The following STXBP6 variants were observed in gnomAD, a reference collection of about 807,000 sequenced individuals.
STXBP6 encodes the protein syntaxin binding protein 6, also known as syntaxin-binding protein 6.
STXBP6 carries 21 observed loss-of-function variants against 26.9 expected under a neutral mutation model. That is an observed-to-expected ratio of 0.78 (90% CI 0.55 to 1.12). The LOEUF (loss-of-function observed/expected upper bound fraction) is 1.12. Ranked by LOEUF, STXBP6 falls within the 50% of genes most tolerant of loss-of-function variation. STXBP6 has a pLI of 0.00. For missense variants in STXBP6, 232 were observed against 257.9 expected (o/e 0.90, Z 0.69); for synonymous variants, 97 against 92.6 (o/e 1.05, Z -0.27).
intron 2 of STXBP6, among the ~76,000 whole-genome samples, chr14:24,890,644 C>T (rs766781613): frequency 5.7e-4 from 86 of 152,204 alleles, no homozygotes; most frequent in Middle Eastern, 6.8e-3. Flanking sequence ...GGAAAAATGT[C>T]CTATAGAAAA....
intron 1 of STXBP6, among the ~76,000 whole-genome samples, chr14:24,979,901 C>T (rs1270317421): frequency 6.6e-6 from 1 of 152,244 alleles, no homozygotes; most frequent in Non-Finnish European, 1.5e-5. Flanking sequence ...CAGCCCTCTA[C>T]ACTGTCCAAT....
rs776058648 is a variant in STXBP6, at chr14:25,049,564, A to G, written c.-33+314T>C. ...TGCGGAAAAAAAGGCTCCATCCTCAACTTTCTCGGAGGAAATCGCTCCGTT... is the reference window on the plus strand; with the variant it reads ...TGCGGAAAAAAAGGCTCCATCCTCAGCTTTCTCGGAGGAAATCGCTCCGTT... On this transcript the variant is annotated intron_variant, in intron 1 of 5. Coordinates refer to ENST00000323944, the MANE Select transcript of STXBP6 (RefSeq NM_001394410.1). The surrounding 1 kb of genome is among the most constrained non-coding windows in gnomAD (Gnocchi z 5.6). 1.2e-3 allele frequency: 1,154 copies of G among 984,800 alleles called. 3 individuals carry two copies. The highest frequency in any genetic ancestry group is 3.5e-3 in the Admixed American group (57 of 16,246). 61.0% of individuals were successfully genotyped at this position (984,800 alleles called of 1,614,324 possible). A position where few individuals can be genotyped will look rare whatever the true frequency, so the allele number is the denominator to read the frequency against.
chr14:24,912,976 A>G (rs1022660186), intron 2 of STXBP6, among the ~76,000 whole-genome samples: 2 of 152,140 alleles, frequency 1.3e-5, no homozygotes, highest in South Asian at 2.1e-4. Context: ...GATTTAACCT[A>G]TTTTTCTTAC....
chr14:24,854,730 A>G (rs980643403), intron 4 of STXBP6, among the ~76,000 whole-genome samples: 4 of 152,052 alleles, frequency 2.6e-5, no homozygotes, highest in African/African-American at 4.8e-5. Flanking sequence ...TTTTAAGAGC[A>G]CTGGTGGCGC....
chr14:24,891,982 C>G (rs1289352520), intron 2 of STXBP6, among the ~76,000 whole-genome samples: 1 of 152,216 alleles, frequency 6.6e-6, no homozygotes, highest in African/African-American at 2.4e-5. Flanking sequence ...CTTCCTACAA[C>G]TGGACCAGAT....
intron 1 of STXBP6, among the ~76,000 whole-genome samples, chr14:25,028,945 G>A (rs1225211739): frequency 6.6e-6 from 1 of 152,190 alleles, no homozygotes; most frequent in Non-Finnish European, 1.5e-5. Context: ...CCTAGAATCT[G>A]AAGTTTAGCC....
intron 1 of STXBP6, among the ~76,000 whole-genome samples, chr14:25,041,878 G>C (rs17257773): frequency 0.069 from 10,552 of 152,180 alleles, 455 homozygotes; most frequent in South Asian, 0.17. Flanking sequence ...ATTCTTCAAA[G>C]TCATCAGGCG....
chr14:24,947,361 C>A (rs935488497), intron 2 of STXBP6, among the ~76,000 whole-genome samples: 8 of 152,180 alleles, frequency 5.3e-5, no homozygotes, highest in African/African-American at 1.7e-4. Flanking sequence ...AAAATAGGGA[C>A]TGAGAGCACA....
intron 1 of STXBP6, chr14:24,994,767 G>C (rs993739267): frequency 1.3e-5 from 2 of 152,228 alleles, no homozygotes; most frequent in Non-Finnish European, 2.9e-5. Flanking sequence ...TCAGCACTTT[G>C]GGAGGCTGAG....
intron 4 of STXBP6, among the ~76,000 whole-genome samples, chr14:24,831,892 C>T (rs1387169486): frequency 2.0e-5 from 3 of 152,110 alleles, no homozygotes; most frequent in Non-Finnish European, 4.4e-5. Flanking sequence ...AAACTGTGGT[C>T]AAAGGGGCGA....
chr14:24,946,400 G>C (rs1413183973), intron 2 of STXBP6, among the ~76,000 whole-genome samples: 1 of 152,150 alleles, frequency 6.6e-6, no homozygotes, highest in African/African-American at 2.4e-5. Context: ...CAGGAGATCT[G>C]CAATGGAGAC....
intron 3 of STXBP6, 145 bp from the exon 4 acceptor site, chr14:24,856,246 T>C: frequency 1.3e-6 from 1 of 770,888 alleles, no homozygotes; most frequent in Non-Finnish European, 1.9e-6. Flanking sequence ...GTATGGAGAG[T>C]CTACATTTCT....
intron 2 of STXBP6, among the ~76,000 whole-genome samples, chr14:24,958,990 G>A (rs954714747): frequency 9.2e-5 from 14 of 152,228 alleles, no homozygotes; most frequent in African/African-American, 3.4e-4. Flanking sequence ...AGGTCACAGT[G>A]TTTGTCATAA....
intron 2 of STXBP6, chr14:24,878,814 C>G (rs768651411): frequency 3.1e-5 from 14 of 450,806 alleles, no homozygotes; most frequent in Non-Finnish European, 6.3e-5. Flanking sequence ...GACTTGATAT[C>G]TGTGTAAACA....
intron 4 of STXBP6, chr14:24,819,483 C>A (rs1256352199): frequency 3.5e-6 from 2 of 563,540 alleles, no homozygotes; most frequent in Non-Finnish European, 6.3e-6. Context: ...TCTGTGGAGG[C>A]TCAAAAGGAT....
At chr14:24,971,171 T>C (rs2073895032) in intron 2 of STXBP6, among the ~76,000 whole-genome samples, 1 of 152,126 alleles carries the variant, frequency 6.6e-6, no homozygotes. Flanking sequence ...GCTCTGAAAA[T>C]AGTAAGTCTT....
chr14:24,836,419 A>C (rs1427097009), intron 4 of STXBP6, among the ~76,000 whole-genome samples: 1 of 151,924 alleles, frequency 6.6e-6, no homozygotes, highest in African/African-American at 2.4e-5. Context: ...CAACATGGTG[A>C]AAACCCCATC....
chr14:24,835,682 A>T (rs993334090), intron 4 of STXBP6, among the ~76,000 whole-genome samples: 5 of 152,248 alleles, frequency 3.3e-5, no homozygotes, highest in African/African-American at 1.2e-4. Flanking sequence ...CTATTAAAAA[A>T]TAGGTAGTAT....
chr14:24,918,158 G>C (rs2071835616), intron 2 of STXBP6, among the ~76,000 whole-genome samples: 1 of 151,878 alleles, frequency 6.6e-6, no homozygotes, highest in Non-Finnish European at 1.5e-5. Context: ...GTGGGGAGGG[G>C]TGGTGATGAA....
Sources: allele counts gnomAD v4.1 joint callset (sites outside exome capture counted in the v4.1 genomes callset), GRCh38; gene constraint gnomAD v4.1.1; non-coding constraint Gnocchi (gnomAD v3.1); transcripts MANE v1.5; gene names NCBI Gene and HGNC (gene_info 2026-07-23, HGNC 2026-07-21).